SPIRE1: variants seen among roughly 807,000 people sequenced by gnomAD.
The protein encoded by SPIRE1 is protein spire homolog 1.
A neutral mutation model predicts 94.1 loss-of-function variants in SPIRE1; 40 were observed. The observed-to-expected ratio is 0.43, with a 90% CI of 0.33 to 0.55. SPIRE1 has a LOEUF of 0.55. Among genes scored for constraint, SPIRE1 ranks in the 20% least tolerant of loss-of-function variants. SPIRE1 has a pLI of 0.06. For synonymous variants in SPIRE1, 376 were observed against 371.7 expected (o/e 1.01, Z -0.13); for missense variants, 838 against 975.2 (o/e 0.86, Z 1.87).
intron 2 of SPIRE1, among the ~76,000 whole-genome samples, chr18:12,629,448 GACAGGCAAGCGCCTACGAGT>G: frequency 6.6e-6 from 1 of 152,206 alleles, no homozygotes; most frequent in Admixed American, 6.5e-5. Context: ...CTGCTTCCTT[GACAGGCAAGCGCCTACGAGT>G]ACAGGTTAGT....
chr18:12,598,154 C>T (rs915883721), intron 2 of SPIRE1, among the ~76,000 whole-genome samples: 19 of 152,168 alleles, frequency 1.2e-4, no homozygotes, highest in Non-Finnish European at 2.4e-4. Context: ...GACATAATTA[C>T]GTCTTCCTAA....
chr18:12,473,852 A>C (rs1239703182), intron 10 of SPIRE1, among the ~76,000 whole-genome samples: 1 of 152,216 alleles, frequency 6.6e-6, no homozygotes, highest in Non-Finnish European at 1.5e-5. Context: ...TGTGGTAAGA[A>C]GTTTCTGGTG....
intron 13 of SPIRE1, among the ~76,000 whole-genome samples, chr18:12,453,932 G>A (rs779437777): frequency 6.6e-6 from 1 of 151,716 alleles, no homozygotes; most frequent in Admixed American, 6.6e-5. Context: ...TTACAGGCAC[G>A]CACCACCATG....
At chr18:12,486,298 A>G (rs1568201814) in intron 8 of SPIRE1, among the ~76,000 whole-genome samples, 3 of 152,250 alleles carry the variant, frequency 2.0e-5, no homozygotes, top group Admixed American at 6.5e-5. Context: ...GAATCACAGA[A>G]TAAGATGTTT....
At chr18:12,486,555 C>CCT (rs1371476058) in intron 8 of SPIRE1, among the ~76,000 whole-genome samples, 37 of 152,308 alleles carry the variant, frequency 2.4e-4, no homozygotes, top group African/African-American at 8.7e-4. Context: ...AAGGACAGGA[C>CCT]AGATTGCCTG....
chr18:12,601,977 G>C (rs746390273), intron 2 of SPIRE1, among the ~76,000 whole-genome samples: 1 of 152,236 alleles, frequency 6.6e-6, no homozygotes, highest in Non-Finnish European at 1.5e-5. Flanking sequence ...AGTGGGGAAG[G>C]CTATTTAGAA....
intron 3 of SPIRE1, among the ~76,000 whole-genome samples, chr18:12,537,879 T>C (rs1022690997): frequency 6.6e-6 from 1 of 152,210 alleles, no homozygotes; most frequent in Non-Finnish European, 1.5e-5. Context: ...AAAGACATCT[T>C]GTACTCATAC....
In SPIRE1 at chr18:12,452,298, T is replaced by G; in HGVS notation, c.1969A>C (p.Lys657Gln). ...GGCCGATGATGGGCAGTGGAGGGTTTTTCTGACCTCATACTACTTTCCCCT... is the reference window on the plus strand; with the variant it reads ...GGCCGATGATGGGCAGTGGAGGGTTGTTCTGACCTCATACTACTTTCCCCT... ...QRGESSMRSE[K>Q]PSTAHHRPLR... The change falls in exon 16 of 17, where the codon AAA (lysine) becomes CAA (glutamine). Residue 657 changes from lysine to glutamine, a missense_variant. Lys to Gln is a moderately conservative substitution (Grantham distance 53). Coordinates refer to ENST00000409402, the MANE Select transcript of SPIRE1 (RefSeq NM_001128626.2). 1 of 1,614,130 alleles carries G rather than the reference T, an allele frequency of 6.2e-7. No individual in the cohort carries two copies. Among genetic ancestry groups the G allele is most frequent in the Non-Finnish European group, 8.5e-7 (1 of 1,180,040 alleles).
chr18:12,575,196 CAA>C (rs1388192930), intron 2 of SPIRE1, among the ~76,000 whole-genome samples: 3 of 151,754 alleles, frequency 2.0e-5, no homozygotes, highest in African/African-American at 4.8e-5. Context: ...AGACAGGGAT[CAA>C]AGTTACTGAC....
intron 1 of SPIRE1, among the ~76,000 whole-genome samples, chr18:12,647,032 A>G (rs537351513): frequency 4.6e-5 from 7 of 151,328 alleles, no homozygotes; most frequent in Non-Finnish European, 1.0e-4. Flanking sequence ...CAACAAGAGC[A>G]AAACTCTGAC....
At chr18:12,513,422 T>C (rs1449824455) in intron 4 of SPIRE1, among the ~76,000 whole-genome samples, 2 of 152,182 alleles carry the variant, frequency 1.3e-5, no homozygotes, top group Non-Finnish European at 2.9e-5. Flanking sequence ...CCCACGTTGA[T>C]CAAAAGACTG....
At chr18:12,574,324 A>T (rs2036037688) in intron 2 of SPIRE1, among the ~76,000 whole-genome samples, 1 of 152,208 alleles carries the variant, frequency 6.6e-6, no homozygotes, top group Non-Finnish European at 1.5e-5. Context: ...AGATGCAGGA[A>T]GATCAAATAG....
At chr18:12,528,870 G>A (rs936249935) in intron 4 of SPIRE1, among the ~76,000 whole-genome samples, 1 of 152,174 alleles carries the variant, frequency 6.6e-6, no homozygotes, top group Non-Finnish European at 1.5e-5. Flanking sequence ...CTAAACCACA[G>A]ATTCTTTAAT....
intron 2 of SPIRE1, among the ~76,000 whole-genome samples, chr18:12,626,886 A>ATATATATATATATTT (rs55915333): frequency 8.9e-6 from 1 of 111,894 alleles, no homozygotes; most frequent in African/African-American, 3.0e-5. Context: ...ATATATATAT[A>ATATATATATATATTT]TTTTTTTTTT....
intron 2 of SPIRE1, among the ~76,000 whole-genome samples, chr18:12,549,425 T>TTTGC (rs1491404939): frequency 2.3e-5 from 3 of 127,908 alleles, no homozygotes; most frequent in Non-Finnish European, 5.1e-5. Flanking sequence ...TTTTTGTTTG[T>TTTGC]TTTTGTTATT....
chr18:12,574,316 A>C lies in SPIRE1; in HGVS notation c.373-27412T>G, dbSNP rs1452593833. Among the ~76,000 whole-genome samples, 4 of 152,364 alleles carry C rather than the reference A, an allele frequency of 2.6e-5. No homozygotes were observed. The East Asian group carries it at 7.7e-4, about 29-fold the overall frequency. On this transcript the variant is annotated intron_variant, in intron 2 of 16. Transcript: ENST00000409402. ...ACGGATTAAAAATGGGCCAGAGCAG[A>C]TGCAGGAAGATCAAATAGGAGGCTA...
intron 2 of SPIRE1, among the ~76,000 whole-genome samples, chr18:12,580,512 CG>C (rs2036227775): frequency 1.3e-5 from 2 of 152,064 alleles, no homozygotes; most frequent in East Asian, 3.9e-4. Flanking sequence ...TCAGTAGAGA[CG>C]GGGTTTCACC....
intron 2 of SPIRE1, among the ~76,000 whole-genome samples, chr18:12,552,334 A>G (rs942224549): frequency 1.3e-5 from 2 of 152,168 alleles, no homozygotes; most frequent in African/African-American, 4.8e-5. Flanking sequence ...TACTTGCACT[A>G]TCCCTCTCCC....
chr18:12,522,217 G>A (rs2034384918), intron 4 of SPIRE1, among the ~76,000 whole-genome samples: 1 of 152,198 alleles, frequency 6.6e-6, no homozygotes, highest in African/African-American at 2.4e-5. Flanking sequence ...TGAATGATAA[G>A]AAGGCACAAC....
Sources: gnomAD v4.1 joint callset for allele counts (sites outside exome capture counted in the v4.1 genomes callset) on GRCh38, gnomAD v4.1.1 for gene constraint, MANE v1.5 for transcripts, NCBI Gene and HGNC (gene_info 2026-07-23, HGNC 2026-07-21) for gene names.